Variants in CACNA2D4 observed in about 807,000 individuals in gnomAD.
The protein encoded by CACNA2D4 is calcium voltage-gated channel auxiliary subunit alpha2delta 4, also known as voltage-dependent calcium channel subunit alpha-2/delta-4.
In CACNA2D4, 157 loss-of-function variants were observed where a neutral mutation model predicts 163.8. That is an observed-to-expected ratio of 0.96 (90% CI 0.84 to 1.09). CACNA2D4 has a LOEUF of 1.09. Among genes scored for constraint, CACNA2D4 ranks in the 50% least tolerant of loss-of-function variants. CACNA2D4 has a pLI of 0.00. For synonymous variants in CACNA2D4, 598 were observed against 586.9 expected, an observed-to-expected ratio of 1.02 and a Z score of -0.27; for missense variants, 1,410 against 1,479.9, an observed-to-expected ratio of 0.95 and a Z score of 0.78.
chr12:1,834,408 C>A lies in CACNA2D4; in HGVS notation c.2551+6331G>T, dbSNP rs1864761123. ...TCAGCTGGGCTGGATATTCCTGGGC[C>A]ACCCTGCACCAAGGCCAGTCCAGAG... On this transcript the variant is annotated intron_variant, in intron 26 of 37. Transcript: ENST00000382722. This position sits in a 1 kb window ranked among gnomAD's most constrained non-coding sequence, Gnocchi z 7.6. 2 of 1,613,026 alleles carry A rather than the reference C, an allele frequency of 1.2e-6. No individual in the cohort carries two copies. Among genetic ancestry groups the A allele is most frequent in the South Asian group, 2.2e-5 (2 of 91,076 alleles).
intron 27 of CACNA2D4, among the ~76,000 whole-genome samples, chr12:1,811,100 T>G (rs1444307702): frequency 6.6e-6 from 1 of 152,222 alleles, no homozygotes; most frequent in Non-Finnish European, 1.5e-5. Context: ...TTGGGCTCCC[T>G]GCCCTTGCCC....
Position 1,858,625 on chromosome 12 carries a change from G to A in CACNA2D4, c.1960C>T (p.Arg654Trp), listed in dbSNP as rs754788510. The part of the protein sequence containing the change: ...TPFSLGVVLS[R>W]GHGEYILLGN... ...AGAAGGATGTATTCTCCGTGGCCCC[G>A]GGACAGCACCACCCCCAAACTGTGG... The change falls in exon 20 of 38, where the codon CGG becomes TGG. Residue 654 changes from arginine to tryptophan, a missense_variant. By Grantham distance (101) the Arg-to-Trp change is moderately radical (BLOSUM62 -3). Transcript: ENST00000382722. The A allele has an allele frequency of 9.9e-6, 16 of 1,609,312 alleles. No homozygotes were observed. The highest frequency in any genetic ancestry group is 5.0e-5 in the Admixed American group (3 of 59,630).
intron 18 of CACNA2D4, among the ~76,000 whole-genome samples, chr12:1,864,163 T>C (rs2108641): frequency 0.91 from 138,769 of 152,292 alleles, 63,411 homozygotes; most frequent in East Asian, 1. Context: ...TTCATGAGCA[T>C]GTCAGCCTAA....
chr12:1,797,743 G>A (rs1249584165), intron 34 of CACNA2D4: 1 of 604,672 alleles, frequency 1.7e-6, no homozygotes, highest in Non-Finnish European at 2.9e-6. Flanking sequence ...GCTTGGCACG[G>A]GGAGCGCCGC....
intron 2 of CACNA2D4, among the ~76,000 whole-genome samples, chr12:1,913,711 T>C (rs1321081910): frequency 2.0e-5 from 3 of 152,182 alleles, no homozygotes; most frequent in Non-Finnish European, 4.4e-5. Context: ...AAGCCTGGAA[T>C]GGGGTTTGGG....
intron 18 of CACNA2D4, 102 bp from the exon 19 acceptor site, chr12:1,860,308 T>G: frequency 5.0e-6 from 4 of 795,896 alleles, no homozygotes; most frequent in Non-Finnish European, 8.5e-6. Context: ...CACTGTACAG[T>G]CCCTCCGCCT....
chr12:1,828,232 C>T lies in CACNA2D4; in HGVS notation c.2551+12507G>A, dbSNP rs546955971. Reference sequence around the variant, plus strand: ...AAGTCTCCTGTGAGTACACCCCTGGCCTCGGAGGGGGGTGCGGGTTGGGTG... The same window carrying T: ...AAGTCTCCTGTGAGTACACCCCTGGTCTCGGAGGGGGGTGCGGGTTGGGTG... On this transcript the variant is annotated intron_variant, in intron 26 of 37. Transcript: ENST00000382722. This position sits in a 1 kb window ranked among gnomAD's most constrained non-coding sequence, Gnocchi z 4.2. The T allele has an allele frequency of 7.4e-5, 114 of 1,537,100 alleles. 1 individual carries two copies. In the African/African-American group the frequency reaches 1.1e-3, roughly 14 times the overall value.
At chr12:1,825,051 C>A (rs1382185034) in intron 26 of CACNA2D4, among the ~76,000 whole-genome samples, 1 of 152,244 alleles carries the variant, frequency 6.6e-6, no homozygotes, top group Non-Finnish European at 1.5e-5. Flanking sequence ...ATACCAGGAT[C>A]AACAGTGTCC....
At chr12:1,800,753 C>T (rs1175967493) in intron 31 of CACNA2D4, 2 of 591,922 alleles carry the variant, frequency 3.4e-6, no homozygotes, top group Non-Finnish European at 6.0e-6. Flanking sequence ...GATCAAGCGG[C>T]AGTGTCAGGG....
chr12:1,829,284 C>T lies in CACNA2D4; in HGVS notation c.2551+11455G>A, dbSNP rs80195366. ...GATCCTTTTGAGAGGGAGCTGAATG[C>T]GTTGGATTTTATTTCCTGGGGAAAG... On this transcript the variant is annotated intron_variant, in intron 26 of 37. Transcript: ENST00000382722. The surrounding 1 kb of genome is among the most constrained non-coding windows in gnomAD (Gnocchi z 4.2). Among the ~76,000 whole-genome samples, 26 of 152,168 alleles carry T rather than the reference C, an allele frequency of 1.7e-4. No homozygotes were observed. The East Asian group carries it at 4.1e-3, about 24-fold the overall frequency.
intron 6 of CACNA2D4, among the ~76,000 whole-genome samples, chr12:1,891,952 C>T (rs1483679864): frequency 1.3e-5 from 2 of 152,134 alleles, no homozygotes; most frequent in Non-Finnish European, 2.9e-5. Flanking sequence ...CAAATGTTCA[C>T]ATTTTTGGTG....
chr12:1,794,194 G>GCTT (rs1863049060), intron 37 of CACNA2D4, among the ~76,000 whole-genome samples: 1 of 152,184 alleles, frequency 6.6e-6, no homozygotes, highest in Admixed American at 6.5e-5. Flanking sequence ...ACTAAGTGTA[G>GCTT]CGGGAATGAG....
At chr12:1,816,057 C>T (rs1049204851) in intron 26 of CACNA2D4, among the ~76,000 whole-genome samples, 2 of 152,176 alleles carry the variant, frequency 1.3e-5, no homozygotes, top group African/African-American at 4.8e-5. Flanking sequence ...AGTCCCACAA[C>T]CCAAGTTGTG....
chr12:1,880,832 G>A (rs1373653558), intron 13 of CACNA2D4, among the ~76,000 whole-genome samples: 1 of 152,204 alleles, frequency 6.6e-6, no homozygotes, highest in Non-Finnish European at 1.5e-5. Context: ...GGCTGCATGA[G>A]GGCTTTCCAG....
At chr12:1,913,302 C>A (rs746898536) in intron 2 of CACNA2D4, among the ~76,000 whole-genome samples, 163 bp from the exon 3 acceptor site, 4 of 152,224 alleles carry the variant, frequency 2.6e-5, no homozygotes, top group Admixed American at 1.3e-4. Flanking sequence ...TGGACAACAT[C>A]CCCAGTGATA....
chr12:1,800,498 CCCA>C, intron 31 of CACNA2D4, 60 bp from the exon 32 acceptor site: 6 of 1,537,940 alleles, frequency 3.9e-6, no homozygotes, highest in Non-Finnish European at 5.4e-6. Flanking sequence ...GTGCCCCCCC[CCCA>C]CCACCAGCAC....
chr12:1,827,116 T>TCCTC (rs773757479), intron 26 of CACNA2D4, among the ~76,000 whole-genome samples: 1 of 152,022 alleles, frequency 6.6e-6, no homozygotes, highest in Admixed American at 6.5e-5. Flanking sequence ...GGTGCGGGCA[T>TCCTC]CCTCCCTCCC....
At position 1,856,103 on chromosome 12, in the gene CACNA2D4, G is replaced by A; in HGVS notation, c.2061C>T (p.Tyr687=). The A allele has an allele frequency of 1.2e-6, 2 of 1,613,988 alleles. No individual in the cohort carries two copies. Among genetic ancestry groups the A allele is most frequent in the South Asian group, 1.1e-5 (1 of 91,086 alleles). Residue 687 remains tyrosine (Y), a synonymous_variant, in exon 22 of 38, where the codon TAC becomes TAT. Coordinates refer to ENST00000382722, the MANE Select transcript of CACNA2D4 (RefSeq NM_172364.5). ...PDLALAGDWI[Y]CITDIDPDHR... ...GGTCTGGGTCAATATCTGTGATGCA[G>A]TAGATCCTGAAACCCAGGAAAGTCA...
At chr12:1,836,674 G>C (rs867147813) in intron 26 of CACNA2D4, 2 of 152,658 alleles carry the variant, frequency 1.3e-5, no homozygotes, top group African/African-American at 2.4e-5. Context: ...TTTAGCCTGA[G>C]ACAGAAGATT....
Sources: gnomAD v4.1 joint callset for allele counts (sites outside exome capture counted in the v4.1 genomes callset) on GRCh38, gnomAD v4.1.1 for gene constraint, Gnocchi (gnomAD v3.1) non-coding constraint, MANE v1.5 for transcripts, NCBI Gene and HGNC (gene_info 2026-07-23, HGNC 2026-07-21) for gene names.